SFMBT2: variants seen among roughly 807,000 people sequenced by gnomAD.
The protein encoded by SFMBT2 is Scm like with four mbt domains 2, also known as scm-like with four MBT domains protein 2.
In SFMBT2, 38 loss-of-function variants were observed where a neutral mutation model predicts 110.1. The observed-to-expected ratio is 0.35, with a 90% CI of 0.27 to 0.45. SFMBT2 has a LOEUF of 0.45. Ranked by LOEUF, SFMBT2 falls within the 20% of genes least tolerant of loss-of-function variation. The probability of loss-of-function intolerance (pLI) is 1.00; values close to 1 mark genes in which losing one functional copy is unlikely to be tolerated. For synonymous variants in SFMBT2, 425 were observed against 425.4 expected (o/e 1.00, Z 0.01); for missense variants, 1,011 against 1,094.9 (o/e 0.92, Z 1.08).
chr10:7,373,565 C>G (rs534829281), intron 2 of SFMBT2, among the ~76,000 whole-genome samples: 5 of 152,102 alleles, frequency 3.3e-5, no homozygotes, highest in African/African-American at 1.2e-4. Flanking sequence ...GGTCAGGAGT[C>G]CAAAGCTGGA....
intron 6 of SFMBT2, among the ~76,000 whole-genome samples, chr10:7,283,012 C>A (rs897577229): frequency 6.6e-6 from 1 of 152,180 alleles, no homozygotes; most frequent in African/African-American, 2.4e-5. Flanking sequence ...AGGGGCCCAG[C>A]ACCTGGGAAT....
At chr10:7,387,376 T>G (rs768937962) in intron 1 of SFMBT2, among the ~76,000 whole-genome samples, 5 of 152,130 alleles carry the variant, frequency 3.3e-5, no homozygotes, top group African/African-American at 9.7e-5. Context: ...AGACACCACG[T>G]TGGGCACTGG....
intron 2 of SFMBT2, among the ~76,000 whole-genome samples, chr10:7,379,824 T>C (rs1403043215): frequency 1.3e-5 from 2 of 152,204 alleles, no homozygotes. Flanking sequence ...CAGCCAAGGA[T>C]ATAATGATTC....
intron 7 of SFMBT2, among the ~76,000 whole-genome samples, chr10:7,267,204 C>A (rs762685059): frequency 7.9e-5 from 12 of 152,088 alleles, no homozygotes; most frequent in South Asian, 6.2e-4. Flanking sequence ...TGCTGTGTGA[C>A]GCCTCCAGGA....
rs1483418308 is a variant in SFMBT2 at position 7,382,045 on chromosome 10, C to T, written c.-51-96G>A. 14 of 564,472 alleles carry T rather than the reference C, an allele frequency of 2.5e-5. 1 individual carries two copies. Among genetic ancestry groups the T allele is most frequent in the Non-Finnish European group, 3.5e-5 (12 of 342,952 alleles). 35.0% of individuals were successfully genotyped at this position (564,472 alleles called of 1,614,324 possible). ...TTGTTTAAAAAAAACCTTATTAGTG[C>T]CACTACCATTTCATTATAACTTTCA... On this transcript the variant is annotated intron_variant, in intron 1 of 20. Coordinates refer to ENST00000397167, the MANE Select transcript of SFMBT2 (RefSeq NM_001387889.1).
At position 7,188,728 on chromosome 10, in the gene SFMBT2, A is replaced by G; in HGVS notation, c.1704T>C (p.Leu568=). ...GKCVLVLKEV[L]SMIINAAYKP... ...TGTAGGCTGCGTTGATTATCATGCTAAGAACCTTTTGGGGAAAAAAATAAG... is the reference window on the plus strand; with the variant it reads ...TGTAGGCTGCGTTGATTATCATGCTGAGAACCTTTTGGGGAAAAAAATAAG... Residue 568 remains leucine (L), a synonymous_variant, in exon 16 of 21, where the codon CTT becomes CTC. Coordinates refer to ENST00000397167, the MANE Select transcript of SFMBT2 (RefSeq NM_001387889.1). 1 of 1,610,740 alleles carries G rather than the reference A, an allele frequency of 6.2e-7. No individual in the cohort carries two copies. The highest frequency in any genetic ancestry group is 8.5e-7 in the Non-Finnish European group (1 of 1,178,360).
At chr10:7,282,514 C>T (rs1841974360) in intron 6 of SFMBT2, among the ~76,000 whole-genome samples, 1 of 152,220 alleles carries the variant, frequency 6.6e-6, no homozygotes, top group Non-Finnish European at 1.5e-5. Flanking sequence ...CCCGGGCTTA[C>T]ATCCTTCTTC....
At chr10:7,185,811 G>A (rs1345424645) in intron 16 of SFMBT2, among the ~76,000 whole-genome samples, 2 of 134,930 alleles carry the variant, frequency 1.5e-5, no homozygotes, top group Non-Finnish European at 3.2e-5. Context: ...GTCTCTAGAT[G>A]CAGAGAGGTG....
intron 10 of SFMBT2, among the ~76,000 whole-genome samples, chr10:7,226,247 A>G (rs2692809): frequency 0.92 from 140,525 of 152,282 alleles, 64,868 homozygotes; most frequent in Admixed American, 0.94. Context: ...GATTTGAGCT[A>G]CTTCTCAAGG....
chr10:7,288,962 T>C (rs1038985426), intron 4 of SFMBT2, among the ~76,000 whole-genome samples: 6 of 149,724 alleles, frequency 4.0e-5, no homozygotes, highest in African/African-American at 1.2e-4. Flanking sequence ...CACTGCACTC[T>C]AGCCTGGGCG....
At chr10:7,396,917 AG>A (rs913630613) in intron 1 of SFMBT2, among the ~76,000 whole-genome samples, 12 of 27,638 alleles carry the variant, frequency 4.3e-4, no homozygotes, top group Middle Eastern at 0.021. Context: ...GGATGGGGGG[AG>A]GGGGGAGGGA....
At chr10:7,215,861 A>G (rs775565948) in intron 11 of SFMBT2, 32 of 360,852 alleles carry the variant, frequency 8.9e-5, no homozygotes, top group Non-Finnish European at 1.2e-4. Flanking sequence ...ATAGACCCCC[A>G]TGGGATTGTC....
chr10:7,206,929 T>G (rs570596827), intron 11 of SFMBT2: 4 of 985,384 alleles, frequency 4.1e-6, no homozygotes, highest in Non-Finnish European at 4.8e-6. Context: ...AGAACCAAGA[T>G]GAAGATAACA....
intron 4 of SFMBT2, among the ~76,000 whole-genome samples, chr10:7,314,097 T>C (rs1275782463): frequency 6.6e-6 from 1 of 152,256 alleles, no homozygotes; most frequent in East Asian, 1.9e-4. Flanking sequence ...AAATTATCAC[T>C]GATTCAAACA....
At chr10:7,376,176 A>G (rs1174409860) in intron 2 of SFMBT2, among the ~76,000 whole-genome samples, 3 of 152,006 alleles carry the variant, frequency 2.0e-5, no homozygotes, top group African/African-American at 7.2e-5. Context: ...TATCACAGCA[A>G]CTGACAACGC....
intron 4 of SFMBT2, among the ~76,000 whole-genome samples, chr10:7,311,997 T>C (rs1210452081): frequency 2.0e-5 from 3 of 152,068 alleles, no homozygotes; most frequent in Non-Finnish European, 4.4e-5. Flanking sequence ...AAACACCGCA[T>C]GTTCTCACTC....
At chr10:7,175,244 A>G (rs1032136693) in intron 17 of SFMBT2, among the ~76,000 whole-genome samples, 1 of 152,242 alleles carries the variant, frequency 6.6e-6, no homozygotes, top group African/African-American at 2.4e-5. Context: ...GGGAGAGAAC[A>G]GGACTCAGGC....
chr10:7,329,261 A>G (rs1588453337), intron 4 of SFMBT2, among the ~76,000 whole-genome samples: 1 of 152,232 alleles, frequency 6.6e-6, no homozygotes, highest in African/African-American at 2.4e-5. Flanking sequence ...AATGATGTCA[A>G]TGACGCCTGG....
At chr10:7,260,824 G>C (rs1841171615) in intron 7 of SFMBT2, among the ~76,000 whole-genome samples, 1 of 152,108 alleles carries the variant, frequency 6.6e-6, no homozygotes, top group Non-Finnish European at 1.5e-5. Flanking sequence ...ATAAGGAGTT[G>C]AGCAACATAC....
Sources: gnomAD v4.1 joint callset for allele counts (sites outside exome capture counted in the v4.1 genomes callset) on GRCh38, gnomAD v4.1.1 for gene constraint, MANE v1.5 for transcripts, NCBI Gene and HGNC (gene_info 2026-07-23, HGNC 2026-07-21) for gene names.